RECK: variants seen among roughly 807,000 people sequenced by gnomAD.
RECK encodes reversion inducing cysteine rich protein with kazal motifs.
Under a neutral mutation model 115.1 loss-of-function variants are expected in RECK, and 69 were observed. The observed-to-expected ratio is 0.60, with a 90% confidence interval of 0.49 to 0.73. The LOEUF is 0.73. RECK is among the 30% of genes least tolerant of loss of function. The pLI is 0.00. For missense variants in RECK, 1,047 were observed against 1,203.7 expected (o/e 0.87, Z 1.93); for synonymous variants, 414 against 419.7 (o/e 0.99, Z 0.17).
chr9:36,041,919 T>G (rs1820882456), intron 1 of RECK, among the ~76,000 whole-genome samples: 1 of 152,122 alleles, frequency 6.6e-6, no homozygotes, highest in Non-Finnish European at 1.5e-5. Context: ...CAATTTATCT[T>G]TTGATTTAAA....
intron 2 of RECK, among the ~76,000 whole-genome samples, chr9:36,053,667 T>G (rs1463210686): frequency 6.6e-6 from 1 of 152,202 alleles, no homozygotes; most frequent in East Asian, 1.9e-4. Context: ...TACCTGACTT[T>G]TCACTTTGTT....
chr9:36,106,678 T>A (rs1823834044), intron 13 of RECK, among the ~76,000 whole-genome samples: 1 of 152,162 alleles, frequency 6.6e-6, no homozygotes, highest in Non-Finnish European at 1.5e-5. Flanking sequence ...GTCGGACTGT[T>A]TTAAATTTCA....
At chr9:36,038,012 A>AG (rs1170525923) in intron 1 of RECK, among the ~76,000 whole-genome samples, 43 of 151,176 alleles carry the variant, frequency 2.8e-4, no homozygotes, top group African/African-American at 1.0e-3. Context: ...TAAAAAAAAA[A>AG]AAAAAAAAAG....
In RECK at chr9:36,100,506, C is replaced by T; in HGVS notation, c.1261C>T (p.Pro421Ser). ...KAIACSLQIK[P>S]CHSKSRGSII... ...AATAGCTTGTTCACTGCAGATTAAA[C>T]CTTGTCATAGTAAATCTCGGGGAAG... Residue 421 changes from proline to serine, a missense_variant, in exon 11 of 21, where the codon CCT (proline) becomes TCT (serine). Transcript: ENST00000377966. 2 of 1,613,938 alleles carry T rather than the reference C, an allele frequency of 1.2e-6. No homozygotes were observed. The highest frequency in any genetic ancestry group is 1.7e-6 in the Non-Finnish European group (2 of 1,179,906).
intron 9 of RECK, among the ~76,000 whole-genome samples, chr9:36,089,417 T>G (rs552266982): frequency 1.7e-4 from 26 of 152,332 alleles, no homozygotes; most frequent in Non-Finnish European, 3.4e-4. Context: ...TTGGAGAAAT[T>G]TATGTAATTT....
At chr9:36,037,129 C>T (rs1367957128) in intron 1 of RECK, 31 bp downstream of exon 1, 13 of 1,192,230 alleles carry the variant, frequency 1.1e-5, no homozygotes, top group East Asian at 7.4e-5. Context: ...CGGTTCGAAG[C>T]TGTCGGGAGC....
intron 6 of RECK, among the ~76,000 whole-genome samples, 200 bp downstream of exon 6, chr9:36,065,824 A>G (rs1821975338): frequency 6.6e-6 from 1 of 152,160 alleles, no homozygotes; most frequent in Non-Finnish European, 1.5e-5. Flanking sequence ...TGAAGTATTA[A>G]TTTTAAAGAA....
intron 8 of RECK, among the ~76,000 whole-genome samples, chr9:36,084,870 C>CT (rs1822884852): frequency 6.6e-6 from 1 of 152,092 alleles, no homozygotes; most frequent in Non-Finnish European, 1.5e-5. Flanking sequence ...GCCTGGACAA[C>CT]ATAGTGAGAC....
intron 6 of RECK, among the ~76,000 whole-genome samples, chr9:36,077,657 A>G (rs1397437402): frequency 6.6e-6 from 1 of 152,228 alleles, no homozygotes; most frequent in African/African-American, 2.4e-5. Context: ...GAAAATAGAA[A>G]AGATTAGTTC....
At chr9:36,056,488 T>TA (rs1298021086) in intron 2 of RECK, among the ~76,000 whole-genome samples, 1 of 152,188 alleles carries the variant, frequency 6.6e-6, no homozygotes, top group Non-Finnish European at 1.5e-5. Context: ...AGTCCAAACT[T>TA]TGCTATTCAC....
At chr9:36,037,120 G>A in intron 1 of RECK, 22 bp downstream of exon 1, 1 of 1,271,088 alleles carries the variant, frequency 7.9e-7, no homozygotes, top group East Asian at 3.2e-5. Flanking sequence ...CCAGAGCAAC[G>A]GTTCGAAGCT....
chr9:36,054,904 T>C (rs1261666170), intron 2 of RECK, among the ~76,000 whole-genome samples: 1 of 152,024 alleles, frequency 6.6e-6, no homozygotes, highest in Non-Finnish European at 1.5e-5. Flanking sequence ...ATGGGTACAA[T>C]GAAAGGAAAA....
At chr9:36,040,519 A>G (rs758465550) in intron 1 of RECK, among the ~76,000 whole-genome samples, 1 of 152,158 alleles carries the variant, frequency 6.6e-6, no homozygotes, top group Non-Finnish European at 1.5e-5. Flanking sequence ...AAAACCACAT[A>G]AGGATTATGG....
chr9:36,062,459 T>C (rs7029409), intron 4 of RECK, among the ~76,000 whole-genome samples: 3,869 of 147,252 alleles, frequency 0.026, 169 homozygotes, highest in African/African-American at 0.09. Context: ...CCACACCCAG[T>C]CTTTTGTTGT....
intron 10 of RECK, 22 bp from the exon 11 acceptor site, chr9:36,100,309 T>C (rs1823511086): frequency 6.3e-7 from 1 of 1,596,644 alleles, no homozygotes; most frequent in South Asian, 1.1e-5. Context: ...TCTTGATTCT[T>C]TCTGGCCTTT....
chr9:36,116,125 C>CT (rs11313050), intron 16 of RECK, among the ~76,000 whole-genome samples: 18,694 of 124,352 alleles, frequency 0.15, 1,962 homozygotes, highest in Non-Finnish European at 0.24. Context: ...AGAGTGAGGC[C>CT]TTTTTTTTTT....
intron 6 of RECK, chr9:36,066,794 T>A: frequency 2.3e-6 from 3 of 1,288,802 alleles, no homozygotes; most frequent in South Asian, 1.2e-5. Flanking sequence ...TTTAGTGTGC[T>A]TCCTTCTCTT....
In RECK at chr9:36,098,288, C is replaced by T. The variant is rs75082390; in HGVS notation, c.1086-2043C>T. ...TAATTAGCTTAATTTAGCCATTCCA[C>T]ATGTGTCATGTTTAAATATATTACG... On this transcript the variant is annotated intron_variant, in intron 10 of 20. Coordinates refer to ENST00000377966, the MANE Select transcript of RECK (RefSeq NM_021111.3). Among the ~76,000 whole-genome samples the T allele has an allele frequency of 2.0e-5, 3 of 152,236 alleles. No homozygotes were observed. In the East Asian group the frequency reaches 5.8e-4, roughly 29 times the overall value.
chr9:36,085,586 G>A (rs1470380233), intron 8 of RECK: 1 of 151,814 alleles, frequency 6.6e-6, no homozygotes, highest in East Asian at 1.9e-4. Context: ...AATTAGCTGG[G>A]TGTGGTGACA....
Sources: gnomAD v4.1 joint callset for allele counts (sites outside exome capture counted in the v4.1 genomes callset) on GRCh38, gnomAD v4.1.1 for gene constraint, MANE v1.5 for transcripts, NCBI Gene and HGNC (gene_info 2026-07-23, HGNC 2026-07-21) for gene names.